Variants in EXT2 observed in about 807,000 individuals in gnomAD.
EXT2 encodes the protein exostosin glycosyltransferase 2.
In EXT2, 53 loss-of-function variants were observed where a neutral mutation model predicts 81.6. The observed-to-expected ratio is 0.65, with a 90% CI of 0.52 to 0.82. The LOEUF (loss-of-function observed/expected upper bound fraction) is 0.82. Ranked by LOEUF, EXT2 falls within the 40% of genes least tolerant of loss-of-function variation. EXT2 has a pLI of 0.00. For synonymous variants in EXT2, 320 were observed against 340.0 expected, an observed-to-expected ratio of 0.94 and a Z score of 0.65; for missense variants, 774 against 910.2, an observed-to-expected ratio of 0.85 and a Z score of 1.93.
intron 7 of EXT2, among the ~76,000 whole-genome samples, chr11:44,157,799 C>T (rs1206421456): frequency 6.6e-6 from 1 of 152,218 alleles, no homozygotes; most frequent in Non-Finnish European, 1.5e-5. Flanking sequence ...GAGTCTCTCC[C>T]AGTGGCCACC....
chr11:44,199,703 T>G (rs968429656), intron 9 of EXT2, among the ~76,000 whole-genome samples: 8 of 151,318 alleles, frequency 5.3e-5, no homozygotes, highest in Admixed American at 1.3e-4. Flanking sequence ...AAGGTATCAT[T>G]GCAAACTGTG....
At chr11:44,153,052 A>G (rs11037889) in intron 7 of EXT2, among the ~76,000 whole-genome samples, 87,055 of 152,036 alleles carry the variant, frequency 0.57, 25,411 homozygotes, top group Middle Eastern at 0.72. Flanking sequence ...GATAGCCACA[A>G]AATAACTTGC....
At chr11:44,128,831 T>C (rs1376028145) in intron 6 of EXT2, among the ~76,000 whole-genome samples, 2 of 152,184 alleles carry the variant, frequency 1.3e-5, no homozygotes. Flanking sequence ...ATCTGTATAG[T>C]GGAAATCATT....
intron 9 of EXT2, among the ~76,000 whole-genome samples, chr11:44,200,422 AG>A (rs1363812067): frequency 6.6e-6 from 1 of 152,080 alleles, no homozygotes; most frequent in Non-Finnish European, 1.5e-5. Context: ...TGAAATTTCC[AG>A]TGAGCTTTCA....
At chr11:44,101,409 C>T (rs955713911) in intron 1 of EXT2, among the ~76,000 whole-genome samples, 24 of 152,196 alleles carry the variant, frequency 1.6e-4, no homozygotes, top group Admixed American at 6.5e-5. Context: ...CTTCTGGCTT[C>T]TACTGAGTAG....
intron 1 of EXT2, among the ~76,000 whole-genome samples, chr11:44,105,293 T>A (rs946593446): frequency 2.0e-5 from 3 of 152,222 alleles, no homozygotes; most frequent in Non-Finnish European, 2.9e-5. Context: ...TATTTATTTT[T>A]ATTTTATTTT....
intron 7 of EXT2, 88 bp downstream of exon 7, chr11:44,130,226 G>C (rs1446002959): frequency 7.8e-6 from 8 of 1,024,220 alleles, no homozygotes; most frequent in Non-Finnish European, 3.1e-6. Context: ...CTGAATGCCT[G>C]AGTGGGGTTT....
At chr11:44,161,387 A>G (rs563929403) in intron 7 of EXT2, among the ~76,000 whole-genome samples, 23 of 152,276 alleles carry the variant, frequency 1.5e-4, no homozygotes, top group Middle Eastern at 6.8e-3. Context: ...ACAGCTGCTC[A>G]GGAGGCCAAG....
intron 8 of EXT2, among the ~76,000 whole-genome samples, chr11:44,180,807 C>T (rs1955224085): frequency 1.3e-5 from 2 of 152,118 alleles, no homozygotes; most frequent in Admixed American, 1.3e-4. Flanking sequence ...CTTACATGTC[C>T]TAAAGTTATT....
At chr11:44,100,694 G>C (rs1455697468) in intron 1 of EXT2, among the ~76,000 whole-genome samples, 1 of 152,136 alleles carries the variant, frequency 6.6e-6, no homozygotes, top group African/African-American at 2.4e-5. Flanking sequence ...TGAAGGTCGG[G>C]CCCAGAATTT....
intron 7 of EXT2, among the ~76,000 whole-genome samples, chr11:44,139,037 A>G (rs1954608943): frequency 6.6e-6 from 1 of 152,034 alleles, no homozygotes; most frequent in African/African-American, 2.4e-5. Context: ...CTGGGCTTGG[A>G]AACTCGAAAG....
chr11:44,106,707 G>A (rs528763545), intron 1 of EXT2, among the ~76,000 whole-genome samples: 2 of 152,160 alleles, frequency 1.3e-5, no homozygotes, highest in East Asian at 1.9e-4. Context: ...TCGGCTCACC[G>A]CAACCTCCAC....
intron 7 of EXT2, among the ~76,000 whole-genome samples, chr11:44,169,483 A>C (rs1374319289): frequency 6.6e-6 from 1 of 152,030 alleles, no homozygotes; most frequent in Non-Finnish European, 1.5e-5. Flanking sequence ...TAATAATAAA[A>C]ATTTTTTGAT....
chr11:44,196,216 C>T (rs1955454276), intron 8 of EXT2, among the ~76,000 whole-genome samples: 1 of 152,126 alleles, frequency 6.6e-6, no homozygotes, highest in Admixed American at 6.5e-5. Context: ...TCACATGTTC[C>T]TCACCTATTT....
intron 8 of EXT2, among the ~76,000 whole-genome samples, chr11:44,190,447 G>A (rs1955376846): frequency 6.6e-6 from 1 of 152,100 alleles, no homozygotes; most frequent in Non-Finnish European, 1.5e-5. Context: ...CTGTATAGCA[G>A]GCCTGTCCTC....
intron 7 of EXT2, among the ~76,000 whole-genome samples, chr11:44,161,663 G>A (rs985002958): frequency 3.9e-5 from 6 of 152,162 alleles, no homozygotes; most frequent in African/African-American, 1.4e-4. Context: ...ATAGTGACTT[G>A]CTTCTAGGGA....
intron 1 of EXT2, among the ~76,000 whole-genome samples, chr11:44,106,587 T>C (rs919699433): frequency 2.0e-5 from 3 of 152,198 alleles, no homozygotes; most frequent in Non-Finnish European, 4.4e-5. Flanking sequence ...TCACAGTACA[T>C]GATGGGTGCT....
At chr11:44,157,334 G>T (rs1412257288) in intron 7 of EXT2, among the ~76,000 whole-genome samples, 1 of 152,134 alleles carries the variant, frequency 6.6e-6, no homozygotes, top group Non-Finnish European at 1.5e-5. Context: ...CTCACCCCTG[G>T]CCCAAGTCAT....
At chr11:44,201,878 C>T (rs191467244) in intron 9 of EXT2, among the ~76,000 whole-genome samples, 66 of 152,236 alleles carry the variant, frequency 4.3e-4, no homozygotes, top group Non-Finnish European at 7.5e-4. Context: ...AATTTTAATG[C>T]TTATTCTTTG....
Sources: gnomAD v4.1 joint callset for allele counts (sites outside exome capture counted in the v4.1 genomes callset) on GRCh38, gnomAD v4.1.1 for gene constraint, MANE v1.5 for transcripts, NCBI Gene and HGNC (gene_info 2026-07-23, HGNC 2026-07-21) for gene names.